The following DTNB variants were observed in gnomAD, a reference collection of about 807,000 sequenced individuals.
The protein encoded by DTNB is DTN-B.
Under a neutral mutation model 90.7 loss-of-function variants are expected in DTNB, and 63 were observed. The observed-to-expected ratio is 0.69, with a 90% CI of 0.57 to 0.86. The LOEUF is 0.86. Ranked by LOEUF, DTNB falls within the 40% of genes least tolerant of loss-of-function variation. The pLI, the probability that DTNB is intolerant of heterozygous loss-of-function variation, is 0.00. For synonymous variants in DTNB, 277 were observed against 286.7 expected (o/e 0.97, Z 0.34); for missense variants, 744 against 807.1 (o/e 0.92, Z 0.95).
At chr2:25,518,925 C>T (rs2075648729) in intron 9 of DTNB, among the ~76,000 whole-genome samples, 1 of 152,110 alleles carries the variant, frequency 6.6e-6, no homozygotes, top group Non-Finnish European at 1.5e-5. Flanking sequence ...GAGCTGTGAC[C>T]TAATGGCCTT....
chr2:25,505,923 C>T (rs2072292354), intron 9 of DTNB, among the ~76,000 whole-genome samples: 1 of 152,084 alleles, frequency 6.6e-6, no homozygotes, highest in Admixed American at 6.6e-5. Flanking sequence ...TCTCTGTATG[C>T]CCTCAATGGA....
intron 10 of DTNB, 128 bp downstream of exon 10, chr2:25,482,668 G>T (rs1454002779): frequency 4.5e-6 from 4 of 889,998 alleles, no homozygotes; most frequent in Non-Finnish European, 7.3e-6. Flanking sequence ...ACGGTCAAAG[G>T]AAGAGAAAGC....
intron 7 of DTNB, among the ~76,000 whole-genome samples, chr2:25,580,357 C>T (rs1285484709): frequency 6.6e-6 from 1 of 151,804 alleles, no homozygotes; most frequent in Admixed American, 6.6e-5. Context: ...CCCATCTCTA[C>T]TAAAAAGATA....
chr2:25,640,382 T>C (rs2077989704), intron 2 of DTNB, among the ~76,000 whole-genome samples: 2 of 151,944 alleles, frequency 1.3e-5, no homozygotes, highest in South Asian at 4.2e-4. Flanking sequence ...TTACACGGTA[T>C]GGAGGCGGGG....
At chr2:25,499,719 T>A (rs937433556) in intron 9 of DTNB, among the ~76,000 whole-genome samples, 1 of 152,234 alleles carries the variant, frequency 6.6e-6, no homozygotes, top group Non-Finnish European at 1.5e-5. Context: ...GTTTCACTTA[T>A]GAGCTTGTAA....
intron 8 of DTNB, among the ~76,000 whole-genome samples, chr2:25,551,239 T>C (rs1319460610): frequency 1.3e-5 from 2 of 152,246 alleles, no homozygotes; most frequent in Non-Finnish European, 2.9e-5. Context: ...GATTTCTGCT[T>C]GTTTTAATGC....
At chr2:25,383,960 G>C in intron 18 of DTNB, 71 bp from the exon 19 acceptor site, 1 of 1,611,502 alleles carries the variant, frequency 6.2e-7, no homozygotes, top group South Asian at 1.1e-5. Context: ...GGTGAACAAA[G>C]CAACTGCTGA....
chr2:25,381,878 G>A (rs960881129), intron 19 of DTNB, among the ~76,000 whole-genome samples: 10 of 152,220 alleles, frequency 6.6e-5, no homozygotes, highest in Non-Finnish European at 1.3e-4. Context: ...CTCCAAAGAC[G>A]ACCCTGTCTT....
Position 25,451,577 on chromosome 2 carries a change from C to A in DTNB, c.1228G>T (p.Ala410Ser), listed in dbSNP as rs774414490. Residue 410 changes from alanine to serine, a missense_variant, in exon 12 of 21, where the codon GCC (alanine) becomes TCC (serine). By Grantham distance (99) the Ala-to-Ser change is moderately conservative (BLOSUM62 1). Transcript: ENST00000406818. ...TTTCCTGCTTCTGCAGCCAGCCGGGCAGCATAGCGAGCTATAAGACGGTGT... is the reference window on the plus strand; with the variant it reads ...TTTCCTGCTTCTGCAGCCAGCCGGGAAGCATAGCGAGCTATAAGACGGTGT... The part of the protein sequence containing the change: ...EEHRLIARYA[A>S]RLAAEAGNVT... 3.5e-5 allele frequency: 56 copies of A among 1,609,230 alleles called. No homozygotes were observed. Among genetic ancestry groups the A allele is most frequent in the Non-Finnish European group, 4.7e-5 (55 of 1,177,802 alleles).
At chr2:25,649,937 G>T in intron 2 of DTNB, 2 of 851,628 alleles carry the variant, frequency 2.3e-6, no homozygotes, top group Non-Finnish European at 2.8e-6. Context: ...AAATGAGGGG[G>T]TGGGGCTTCC....
At chr2:25,653,179 A>C in intron 1 of DTNB, 1 of 152,326 alleles carries the variant, frequency 6.6e-6, no homozygotes, top group Non-Finnish European at 1.5e-5. Flanking sequence ...CTCAACTTGA[A>C]TTGTATCTCC....
At chr2:25,397,862 A>T (rs1290837421) in intron 16 of DTNB, among the ~76,000 whole-genome samples, 1 of 146,664 alleles carries the variant, frequency 6.8e-6, no homozygotes, top group African/African-American at 2.6e-5. Flanking sequence ...CCTGGGTGAC[A>T]GAGCAAGACT....
chr2:25,448,258 T>A (rs1487961372), intron 12 of DTNB, among the ~76,000 whole-genome samples: 1 of 152,236 alleles, frequency 6.6e-6, no homozygotes, highest in Non-Finnish European at 1.5e-5. Context: ...AGGGCAGGAA[T>A]CATTTGTCCA....
At chr2:25,570,198 C>G (rs2059629681) in intron 8 of DTNB, among the ~76,000 whole-genome samples, 1 of 151,414 alleles carries the variant, frequency 6.6e-6, no homozygotes, top group Non-Finnish European at 1.5e-5. Context: ...ATCACTTGTG[C>G]TCAGCTCAGG....
chr2:25,591,112 G>A (rs1315028710), intron 6 of DTNB, among the ~76,000 whole-genome samples: 1 of 152,246 alleles, frequency 6.6e-6, no homozygotes, highest in Non-Finnish European at 1.5e-5. Context: ...TGACACTGGA[G>A]CAGGTGTTGG....
At chr2:25,416,138 G>A (rs1227408244) in intron 16 of DTNB, among the ~76,000 whole-genome samples, 1 of 152,148 alleles carries the variant, frequency 6.6e-6, no homozygotes, top group Admixed American at 6.5e-5. Flanking sequence ...TAAATCGTAG[G>A]ACACCCAGCT....
intron 10 of DTNB, among the ~76,000 whole-genome samples, chr2:25,477,667 G>A (rs145893948): frequency 6.6e-6 from 1 of 152,226 alleles, no homozygotes; most frequent in African/African-American, 2.4e-5. Flanking sequence ...AGAAATAAAA[G>A]TGAAGTGTTA....
At chr2:25,667,428 G>A (rs1574263182) in intron 1 of DTNB, among the ~76,000 whole-genome samples, 1 of 152,110 alleles carries the variant, frequency 6.6e-6, no homozygotes, top group East Asian at 1.9e-4. Flanking sequence ...GGTAGAGGCA[G>A]AGGCTGCAGT....
chr2:25,466,858 A>G (rs574527767), intron 10 of DTNB, among the ~76,000 whole-genome samples: 57 of 152,324 alleles, frequency 3.7e-4, no homozygotes, highest in Middle Eastern at 3.4e-3. Flanking sequence ...CTCCTCAAAC[A>G]ATGAGAGTAA....
Sources: gnomAD v4.1 joint callset for allele counts (sites outside exome capture counted in the v4.1 genomes callset) on GRCh38, gnomAD v4.1.1 for gene constraint, MANE v1.5 for transcripts, NCBI Gene and HGNC (gene_info 2026-07-23, HGNC 2026-07-21) for gene names.